The following FHIT variants were observed in gnomAD, a reference collection of about 807,000 sequenced individuals.
FHIT encodes the protein bis(5'-adenosyl)-triphosphatase.
A neutral mutation model predicts 17.9 loss-of-function variants in FHIT; 19 were observed. That is an observed-to-expected ratio of 1.06 (90% CI 0.74 to 1.56). FHIT has a LOEUF of 1.56. FHIT is among the 40% of genes most tolerant of loss of function. The probability of loss-of-function intolerance (pLI) is 0.00; values close to 1 mark genes in which losing one functional copy is unlikely to be tolerated. For missense variants in FHIT, 248 were observed against 189.2 expected, an observed-to-expected ratio of 1.31 and a Z score of -1.82; for synonymous variants, 81 against 69.7, an observed-to-expected ratio of 1.16 and a Z score of -0.81.
At chr3:60,383,295 T>C (rs764937387) in intron 5 of FHIT, among the ~76,000 whole-genome samples, 5 of 152,202 alleles carry the variant, frequency 3.3e-5, no homozygotes, top group Non-Finnish European at 4.4e-5. Flanking sequence ...TTGCCACTTA[T>C]GATTACGATA....
At chr3:61,044,955 C>G (rs527442108) in intron 2 of FHIT, among the ~76,000 whole-genome samples, 2 of 152,172 alleles carry the variant, frequency 1.3e-5, no homozygotes, top group Admixed American at 1.3e-4. Flanking sequence ...CACCACCAGG[C>G]CTGCCTTACA....
At chr3:60,687,979 T>A (rs75244498) in intron 4 of FHIT, among the ~76,000 whole-genome samples, 3 of 152,252 alleles carry the variant, frequency 2.0e-5, no homozygotes, top group East Asian at 3.9e-4. Flanking sequence ...CTTTTTTTTT[T>A]AATTTCGCTT....
At chr3:61,062,036 T>G (rs530903660) in intron 2 of FHIT, among the ~76,000 whole-genome samples, 3 of 152,172 alleles carry the variant, frequency 2.0e-5, no homozygotes, top group African/African-American at 2.4e-5. Flanking sequence ...GTAATTTCAA[T>G]GTATAGACAT....
intron 4 of FHIT, among the ~76,000 whole-genome samples, chr3:60,731,862 G>A (rs1312382980): frequency 6.6e-6 from 1 of 152,146 alleles, no homozygotes; most frequent in Non-Finnish European, 1.5e-5. Context: ...GGTGGGATGT[G>A]GGGTGTCCCT....
chr3:60,980,052 A>G (rs1451313194), intron 3 of FHIT, among the ~76,000 whole-genome samples: 2 of 152,240 alleles, frequency 1.3e-5, no homozygotes, highest in East Asian at 3.8e-4. Context: ...AGTTATCTCA[A>G]ATTCATCTAC....
At chr3:60,652,928 C>A (rs1179966026) in intron 4 of FHIT, among the ~76,000 whole-genome samples, 5 of 147,980 alleles carry the variant, frequency 3.4e-5, no homozygotes, top group Non-Finnish European at 7.4e-5. Flanking sequence ...CAAAACAAAA[C>A]AAAACAAAAC....
At chr3:60,441,779 TAAAA>T (rs373712445) in intron 5 of FHIT, among the ~76,000 whole-genome samples, 8,005 of 19,498 alleles carry the variant, frequency 0.41, 2,741 homozygotes, top group Non-Finnish European at 0.63. Context: ...TTTATATGTA[TAAAA>T]ATATATATAT....
chr3:60,612,611 G>A (rs1316315907), intron 4 of FHIT, among the ~76,000 whole-genome samples: 1 of 152,142 alleles, frequency 6.6e-6, no homozygotes, highest in Admixed American at 6.5e-5. Context: ...CCCATTCCAA[G>A]TCTGAAGAAA....
At chr3:60,972,536 T>C (rs1423950434) in intron 3 of FHIT, among the ~76,000 whole-genome samples, 1 of 151,942 alleles carries the variant, frequency 6.6e-6, no homozygotes, top group Non-Finnish European at 1.5e-5. Flanking sequence ...TTTACTACAA[T>C]ATGCCTCCAT....
chr3:59,751,247 T>TCTCTCTCTCTCC, intron 9 of FHIT: 1 of 168,962 alleles, frequency 5.9e-6, no homozygotes, highest in Non-Finnish European at 1.3e-5. Flanking sequence ...TCTCTCTCTC[T>TCTCTCTCTCTCC]CCTGTTTTTT....
At chr3:61,060,426 G>C (rs935095639) in intron 2 of FHIT, among the ~76,000 whole-genome samples, 1 of 152,270 alleles carries the variant, frequency 6.6e-6, no homozygotes, top group African/African-American at 2.4e-5. Context: ...CTACTATGAC[G>C]ACAGTCAATC....
At chr3:61,223,772 G>C (rs572981196) in intron 1 of FHIT, among the ~76,000 whole-genome samples, 11 of 152,230 alleles carry the variant, frequency 7.2e-5, no homozygotes, top group African/African-American at 2.4e-4. Flanking sequence ...ATCTTATTTT[G>C]CATTATACTA....
At chr3:60,794,589 A>C (rs1700910327) in intron 4 of FHIT, among the ~76,000 whole-genome samples, 1 of 152,252 alleles carries the variant, frequency 6.6e-6, no homozygotes, top group South Asian at 2.1e-4. Context: ...CTTGAGAAGT[A>C]GTGCAGGATA....
intron 4 of FHIT, among the ~76,000 whole-genome samples, chr3:60,558,341 T>C (rs1033379459): frequency 6.6e-6 from 1 of 151,928 alleles, no homozygotes; most frequent in African/African-American, 2.4e-5. Context: ...CAAGCATCAA[T>C]TACCCTTAGT....
Position 59,893,064 on chromosome 3 carries a change from A to T in FHIT, c.348+29282T>A, listed in dbSNP as rs567072264. On this transcript the variant is annotated intron_variant, in intron 8 of 9. Coordinates refer to ENST00000492590, the MANE Select transcript of FHIT (RefSeq NM_002012.4). ...CTAAAAAACTCATAAATATGTAGTC[A>T]GTTGTGTTGGTCAGTGAACAATATT... Among the ~76,000 whole-genome samples the T allele has an allele frequency of 9.2e-5, 14 of 152,386 alleles. No homozygotes were observed. The South Asian group carries it at 2.7e-3, about 29-fold the overall frequency.
At chr3:60,034,361 C>G (rs575200447) in intron 5 of FHIT, among the ~76,000 whole-genome samples, 39 of 152,338 alleles carry the variant, frequency 2.6e-4, no homozygotes, top group Non-Finnish European at 4.3e-4. Flanking sequence ...TCTTTAAACA[C>G]CACCTTTCCC....
chr3:60,048,405 T>G (rs189659711), intron 5 of FHIT, among the ~76,000 whole-genome samples: 1 of 152,200 alleles, frequency 6.6e-6, no homozygotes, highest in Non-Finnish European at 1.5e-5. Flanking sequence ...CTCGATCTCC[T>G]GACCTCGTGA....
intron 4 of FHIT, among the ~76,000 whole-genome samples, chr3:60,763,291 A>C (rs545226829): frequency 1.3e-5 from 2 of 152,308 alleles, no homozygotes; most frequent in Non-Finnish European, 2.9e-5. Context: ...TTATGATTGT[A>C]TTCACTTAAA....
intron 3 of FHIT, among the ~76,000 whole-genome samples, chr3:60,897,982 T>C (rs1341842425): frequency 6.6e-6 from 1 of 152,230 alleles, no homozygotes; most frequent in Non-Finnish European, 1.5e-5. Flanking sequence ...ATAATCCATG[T>C]TTATTTTAGG....
Sources: gnomAD v4.1 joint callset for allele counts (sites outside exome capture counted in the v4.1 genomes callset) on GRCh38, gnomAD v4.1.1 for gene constraint, MANE v1.5 for transcripts, NCBI Gene and HGNC (gene_info 2026-07-23, HGNC 2026-07-21) for gene names.